THRB: variants seen among roughly 807,000 people sequenced by gnomAD.
The protein encoded by THRB is nuclear receptor subfamily 1 group A member 2.
Under a neutral mutation model 47.8 loss-of-function variants are expected in THRB, and 12 were observed. The observed-to-expected ratio is 0.25, with a 90% CI of 0.16 to 0.41. The LOEUF (loss-of-function observed/expected upper bound fraction) is 0.41, where lower values mean the gene tolerates loss of function less well. Among genes scored for constraint, THRB ranks in the 10% least tolerant of loss-of-function variants. THRB has a pLI of 1.00. For synonymous variants in THRB, 218 were observed against 212.2 expected (o/e 1.03, Z -0.24); for missense variants, 348 against 589.2 (o/e 0.59, Z 4.24).
At chr3:24,428,463 C>T (rs965118532) in intron 1 of THRB, among the ~76,000 whole-genome samples, 4 of 151,988 alleles carry the variant, frequency 2.6e-5, no homozygotes, top group East Asian at 3.9e-4. Flanking sequence ...TGGGAATAAG[C>T]GCTCAGTGGA....
intron 1 of THRB, chr3:24,486,607 G>A (rs1697339441): frequency 6.6e-6 from 1 of 152,194 alleles, no homozygotes; most frequent in Admixed American, 6.5e-5. Context: ...TTATGTTTAT[G>A]AACCCATAGA....
intron 1 of THRB, among the ~76,000 whole-genome samples, chr3:24,431,616 T>A (rs1252659633): frequency 6.6e-6 from 1 of 152,104 alleles, no homozygotes; most frequent in African/African-American, 2.4e-5. Flanking sequence ...TACCCTCTGA[T>A]CCAGCAATTC....
chr3:24,225,903 G>A (rs2047608467), intron 4 of THRB, among the ~76,000 whole-genome samples: 2 of 152,022 alleles, frequency 1.3e-5, no homozygotes, highest in Non-Finnish European at 2.9e-5. Context: ...ATTTCATATA[G>A]TCCTAATTTC....
chr3:24,337,995 C>A (rs1281822480), intron 1 of THRB, among the ~76,000 whole-genome samples: 1 of 152,184 alleles, frequency 6.6e-6, no homozygotes, highest in Non-Finnish European at 1.5e-5. Flanking sequence ...ACCTGCCATG[C>A]CGCAGAGGAT....
At chr3:24,459,226 T>A (rs1467257873) in intron 1 of THRB, 3 of 152,120 alleles carry the variant, frequency 2.0e-5, no homozygotes, top group Non-Finnish European at 2.9e-5. Flanking sequence ...GTTCCTACGA[T>A]AGTTTGTGAT....
intron 1 of THRB, among the ~76,000 whole-genome samples, chr3:24,468,085 T>C (rs2074291098): frequency 6.6e-6 from 1 of 152,248 alleles, no homozygotes; most frequent in Admixed American, 6.5e-5. Flanking sequence ...TCTTGTACTT[T>C]TATGTTATGG....
At chr3:24,431,935 G>C (rs373765438) in intron 1 of THRB, among the ~76,000 whole-genome samples, 19 of 152,020 alleles carry the variant, frequency 1.2e-4, no homozygotes, top group African/African-American at 4.1e-4. Flanking sequence ...CCACAGACAA[G>C]CCAAATTTTA....
chr3:24,324,867 G>T (rs1354150530), intron 2 of THRB, among the ~76,000 whole-genome samples: 3 of 152,184 alleles, frequency 2.0e-5, no homozygotes, highest in Non-Finnish European at 4.4e-5. Context: ...ACAATGAGCA[G>T]ATTCAATGCT....
In THRB at chr3:24,135,847, A is replaced by ATATATATATT. The variant is rs371175625; in HGVS notation, c.739-2386_739-2385insAATATATATA. Among the ~76,000 whole-genome samples, 10 of 131,002 alleles carry ATATATATATT rather than the reference A, an allele frequency of 7.6e-5. 1 individual carries two copies. Among genetic ancestry groups the ATATATATATT allele is most frequent in the South Asian group, 7.0e-4 (3 of 4,264 alleles). 85.9% of individuals were successfully genotyped at this position (131,002 alleles called of 152,430 possible). A position where few individuals can be genotyped will look rare whatever the true frequency, so the allele number is the denominator to read the frequency against. Reference sequence around the variant, plus strand: ...TATATATATATATATATATATATATAATACATAAATATATATTAATTACAT... The same window carrying ATATATATATT: ...TATATATATATATATATATATATATATATATATATTATACATAAATATATATTAATTACAT... On this transcript the variant is annotated intron_variant, in intron 8 of 10. Transcript: ENST00000646209.
chr3:24,168,953 ACAT>A (rs1331527305), intron 5 of THRB, among the ~76,000 whole-genome samples: 1 of 152,088 alleles, frequency 6.6e-6, no homozygotes, highest in Admixed American at 6.6e-5. Context: ...AGTATGTAGG[ACAT>A]CATCAGTGGA....
intron 9 of THRB, among the ~76,000 whole-genome samples, chr3:24,131,361 T>C (rs1304977452): frequency 6.6e-6 from 1 of 152,210 alleles, no homozygotes; most frequent in East Asian, 1.9e-4. Flanking sequence ...AAAATGTTAA[T>C]AGATGTCTAC....
At chr3:24,202,760 C>T (rs1181914013) in intron 4 of THRB, among the ~76,000 whole-genome samples, 1 of 152,130 alleles carries the variant, frequency 6.6e-6, no homozygotes, top group Non-Finnish European at 1.5e-5. Context: ...GTGATTAGCC[C>T]CATTTTACAG....
chr3:24,304,043 A>G (rs1438891443), intron 2 of THRB, among the ~76,000 whole-genome samples: 3 of 101,094 alleles, frequency 3.0e-5, no homozygotes, highest in Non-Finnish European at 6.7e-5. Flanking sequence ...AAATTAGCTC[A>G]TATTTTTTTT....
intron 2 of THRB, among the ~76,000 whole-genome samples, chr3:24,303,287 C>T (rs1028357157): frequency 1.3e-5 from 2 of 152,312 alleles, no homozygotes; most frequent in South Asian, 2.1e-4. Context: ...TGAGTCTAGG[C>T]TTAGTGAGGT....
chr3:24,465,457 C>T lies in THRB; in HGVS notation c.-261+29195G>A, dbSNP rs573065337. Among the ~76,000 whole-genome samples the T allele has an allele frequency of 2.0e-5, 3 of 152,270 alleles. No individual in the cohort carries two copies. The South Asian group carries it at 6.2e-4, about 32-fold the overall frequency. On this transcript the variant is annotated intron_variant, in intron 1 of 10. Transcript: ENST00000646209. ...TCCCTCCGTTGCCTAGATTAGAGTG[C>T]AGTGGCATTATCTCGGCTCACTGCA...
chr3:24,189,370 T>C (rs562613630), intron 5 of THRB, among the ~76,000 whole-genome samples: 2 of 152,290 alleles, frequency 1.3e-5, no homozygotes, highest in East Asian at 1.9e-4. Flanking sequence ...CTCTTGGACA[T>C]TGAAAGACAC....
At chr3:24,180,921 G>A (rs900765180) in intron 5 of THRB, among the ~76,000 whole-genome samples, 3 of 152,182 alleles carry the variant, frequency 2.0e-5, no homozygotes, top group African/African-American at 7.2e-5. Flanking sequence ...CCCTGGAGAG[G>A]TAAGGATGTA....
chr3:24,201,065 G>A (rs1252359356), intron 4 of THRB, among the ~76,000 whole-genome samples: 2 of 152,038 alleles, frequency 1.3e-5, no homozygotes, highest in African/African-American at 4.8e-5. Context: ...TGCCTGTCTT[G>A]TGGAAGATAA....
At chr3:24,451,501 C>T (rs2072651466) in intron 1 of THRB, among the ~76,000 whole-genome samples, 1 of 152,168 alleles carries the variant, frequency 6.6e-6, no homozygotes, top group Non-Finnish European at 1.5e-5. Flanking sequence ...TCCCAAAGTT[C>T]TGGGATTACA....
Sources: allele counts gnomAD v4.1 joint callset (sites outside exome capture counted in the v4.1 genomes callset), GRCh38; gene constraint gnomAD v4.1.1; transcripts MANE v1.5; gene names NCBI Gene and HGNC (gene_info 2026-07-23, HGNC 2026-07-21).